Variants in EIF3H observed in about 807,000 individuals in gnomAD.
EIF3H encodes eIF-3-gamma.
A neutral mutation model predicts 44.2 loss-of-function variants in EIF3H; 26 were observed. The observed-to-expected ratio is 0.59, with a 90% CI of 0.43 to 0.82. The LOEUF (loss-of-function observed/expected upper bound fraction) is 0.82, where lower values mean the gene tolerates loss of function less well. Among genes scored for constraint, EIF3H ranks in the 40% least tolerant of loss-of-function variants. The probability of loss-of-function intolerance (pLI) is 0.00; values close to 1 mark genes in which losing one functional copy is unlikely to be tolerated. For synonymous variants in EIF3H, 166 were observed against 151.9 expected (o/e 1.09, Z -0.68); for missense variants, 359 against 432.8 (o/e 0.83, Z 1.51).
At chr8:116,706,740 T>C (rs986130386) in intron 2 of EIF3H, among the ~76,000 whole-genome samples, 14 of 152,214 alleles carry the variant, frequency 9.2e-5, no homozygotes, top group Middle Eastern at 3.4e-3. Context: ...ACCAAGGGTT[T>C]TGACATGTTG....
intron 1 of EIF3H, among the ~76,000 whole-genome samples, chr8:116,761,521 A>AATAC (rs929528045): frequency 7.3e-5 from 11 of 150,770 alleles, no homozygotes; most frequent in South Asian, 2.1e-4. Context: ...CAAAAAAATA[A>AATAC]ATACATACAT....
chr8:116,752,758 AGGG>A (rs1251253299), intron 1 of EIF3H, among the ~76,000 whole-genome samples: 127 of 15,172 alleles, frequency 8.4e-3, no homozygotes, highest in African/African-American at 0.025. Context: ...AGAAAGAGGG[AGGG>A]AGGGAGGGAG....
At chr8:116,765,544 G>A (rs1037776967) in exon 1 of EIF3H, 4 of 152,130 alleles carry the variant, frequency 2.6e-5, no homozygotes, top group Admixed American at 6.5e-5. Context: ...AGTTAGCCAC[G>A]GGAGAACTTG....
chr8:116,654,880 A>T (rs531206004), intron 5 of EIF3H, among the ~76,000 whole-genome samples: 88 of 150,764 alleles, frequency 5.8e-4, no homozygotes, highest in Non-Finnish European at 1.1e-3. Flanking sequence ...CACTTGCCTT[A>T]TATCGAGGAA....
At chr8:116,655,747 T>A in intron 5 of EIF3H, 109 bp downstream of exon 5, 2 of 1,202,232 alleles carry the variant, frequency 1.7e-6, no homozygotes, top group South Asian at 2.6e-5. Flanking sequence ...TAAGAACCTA[T>A]AAACGTTCTT....
At chr8:116,712,845 T>C (rs979451914) in intron 2 of EIF3H, among the ~76,000 whole-genome samples, 2 of 152,112 alleles carry the variant, frequency 1.3e-5, no homozygotes, top group Non-Finnish European at 2.9e-5. Context: ...AAACATCAAA[T>C]GTAATTATAA....
At chr8:116,699,577 T>C (rs996734283) in intron 2 of EIF3H, among the ~76,000 whole-genome samples, 1 of 151,918 alleles carries the variant, frequency 6.6e-6, no homozygotes, top group African/African-American at 2.4e-5. Context: ...GGTACAAGAG[T>C]TGAAAAACCA....
At chr8:116,683,458 C>T (rs983965879) in intron 2 of EIF3H, among the ~76,000 whole-genome samples, 1 of 152,136 alleles carries the variant, frequency 6.6e-6, no homozygotes, top group Non-Finnish European at 1.5e-5. Context: ...ATGAGCCCTG[C>T]TCTCATTACC....
intron 1 of EIF3H, among the ~76,000 whole-genome samples, chr8:116,736,446 G>T (rs905148973): frequency 2.0e-5 from 3 of 152,110 alleles, no homozygotes; most frequent in Non-Finnish European, 2.9e-5. Context: ...CGGATCACGG[G>T]GTCAGGAGAT....
At chr8:116,664,037 TG>T (rs1813627887) in intron 2 of EIF3H, among the ~76,000 whole-genome samples, 2 of 152,198 alleles carry the variant, frequency 1.3e-5, no homozygotes, top group South Asian at 2.1e-4. Flanking sequence ...CCGCAAAATT[TG>T]GAAGGATTAT....
In EIF3H at chr8:116,695,495, T is replaced by C. The variant is rs566113907; in HGVS notation, c.289+30521A>G. 4.6e-5 allele frequency among the ~76,000 whole-genome samples: 7 copies of C among 152,064 alleles called. No homozygotes were observed. The East Asian group carries it at 7.8e-4, about 17-fold the overall frequency. On this transcript the variant is annotated intron_variant, in intron 2 of 7. Transcript: ENST00000521861. ...CAGTGTTGCAGCCCAACCAGGTAAGTAGGGTATCAAAGTAGGAGGCCTGTC... is the reference window on the plus strand; with the variant it reads ...CAGTGTTGCAGCCCAACCAGGTAAGCAGGGTATCAAAGTAGGAGGCCTGTC...
At chr8:116,718,581 G>A (rs1311775163) in intron 2 of EIF3H, among the ~76,000 whole-genome samples, 1 of 152,072 alleles carries the variant, frequency 6.6e-6, no homozygotes, top group Non-Finnish European at 1.5e-5. Context: ...CAGCAACCTG[G>A]ATGGAATTAG....
intron 2 of EIF3H, among the ~76,000 whole-genome samples, chr8:116,709,405 T>C (rs914501492): frequency 4.6e-5 from 7 of 152,232 alleles, no homozygotes; most frequent in Non-Finnish European, 1.5e-5. Context: ...TATAAGGGTA[T>C]GTTAATTTCT....
At chr8:116,673,286 A>G (rs1397391543) in intron 2 of EIF3H, among the ~76,000 whole-genome samples, 1 of 152,232 alleles carries the variant, frequency 6.6e-6, no homozygotes, top group East Asian at 1.9e-4. Flanking sequence ...ACTCCACCCT[A>G]AATGTCTAAG....
chr8:116,739,369 G>T (rs983632638), intron 1 of EIF3H, among the ~76,000 whole-genome samples: 1 of 152,202 alleles, frequency 6.6e-6, no homozygotes, highest in Non-Finnish European at 1.5e-5. Flanking sequence ...AATATGTGGC[G>T]GCCGGGCGCC....
At chr8:116,730,897 G>A (rs551117199) in intron 1 of EIF3H, among the ~76,000 whole-genome samples, 25 of 152,306 alleles carry the variant, frequency 1.6e-4, no homozygotes, top group African/African-American at 6.0e-4. Flanking sequence ...TGTGAAGTCA[G>A]TTATATTATT....
Position 116,762,658 on chromosome 8 carries a change from C to A in EIF3H, c.-27+2857G>T, listed in dbSNP as rs551821412. On this transcript the variant is annotated intron_variant, in intron 1 of 9. Transcript: ENST00000276682. Reference sequence around the variant, plus strand: ...CACAGAATGCTGGGGAATGGGCTGGCTGCTGTGGCTCACGCCTGTAATCCC... The same window carrying A: ...CACAGAATGCTGGGGAATGGGCTGGATGCTGTGGCTCACGCCTGTAATCCC... Among the ~76,000 whole-genome samples the A allele has an allele frequency of 2.0e-5, 3 of 152,312 alleles. No homozygotes were observed. The South Asian group carries it at 6.2e-4, about 32-fold the overall frequency.
intron 2 of EIF3H, among the ~76,000 whole-genome samples, chr8:116,696,492 C>T: frequency 6.6e-6 from 1 of 152,126 alleles, no homozygotes; most frequent in South Asian, 2.1e-4. Flanking sequence ...ATGGTTCTTT[C>T]CTGAGACTAT....
At chr8:116,762,731 C>T (rs1815530297) in intron 1 of EIF3H, among the ~76,000 whole-genome samples, 1 of 152,106 alleles carries the variant, frequency 6.6e-6, no homozygotes, top group Non-Finnish European at 1.5e-5. Context: ...GTCAGGAGTT[C>T]GAGACCAGCC....
Sources: allele counts gnomAD v4.1 joint callset (sites outside exome capture counted in the v4.1 genomes callset), GRCh38; gene constraint gnomAD v4.1.1; transcripts MANE v1.5; gene names NCBI Gene and HGNC (gene_info 2026-07-23, HGNC 2026-07-21).